SNRPN: variants seen among roughly 807,000 people sequenced by gnomAD.
SNRPN encodes the protein small nuclear ribonucleoprotein-associated protein N.
Under a neutral mutation model 25.2 loss-of-function variants are expected in SNRPN, and 7 were observed. The ratio of observed to expected loss-of-function variants is 0.28; its 90% confidence interval spans 0.16 to 0.52. The LOEUF (loss-of-function observed/expected upper bound fraction) is 0.52, where lower values mean the gene tolerates loss of function less well. Ranked by LOEUF, SNRPN falls within the 20% of genes least tolerant of loss-of-function variation. The pLI, the probability that SNRPN is intolerant of heterozygous loss-of-function variation, is 0.96. For synonymous variants in SNRPN, 124 were observed against 110.6 expected (o/e 1.12, Z -0.76); for missense variants, 196 against 322.5 (o/e 0.61, Z 3.00).
chr15:24,890,636 G>A (rs1004139019), intron 2 of SNRPN, among the ~76,000 whole-genome samples: 2 of 151,988 alleles, frequency 1.3e-5, no homozygotes, highest in Non-Finnish European at 1.5e-5. Context: ...CCGAGATCGC[G>A]CCATTGCACT....
At chr15:24,961,212 A>G in intron 1 of SNRPN, among the ~76,000 whole-genome samples, 1 of 152,206 alleles carries the variant, frequency 6.6e-6, no homozygotes, top group East Asian at 1.9e-4. Flanking sequence ...ATATGTGTGT[A>G]TGGCTTGATT....
chr15:24,873,275 A>G lies in SNRPN; in HGVS notation c.-578-13241A>G, dbSNP rs1191532104. Among the ~76,000 whole-genome samples the G allele has an allele frequency of 7.5e-5, 9 of 119,964 alleles. 2 individuals are homozygous for G. The highest frequency in any genetic ancestry group is 2.6e-4 in the African/African-American group (9 of 34,866). 78.7% of individuals were successfully genotyped at this position (119,964 alleles called of 152,430 possible). ...CTAGTCTACAAAGCCATGGGACTAC[A>G]TACCACAGTCCCAGGGACAACCACA... On this transcript the variant is annotated intron_variant, in intron 1 of 11. Transcript: ENST00000400097.
At chr15:24,869,864 C>G (rs1465217615) in intron 1 of SNRPN, among the ~76,000 whole-genome samples, 2 of 152,142 alleles carry the variant, frequency 1.3e-5, no homozygotes, top group Non-Finnish European at 2.9e-5. Flanking sequence ...AACTGAGGAC[C>G]TAAAACAAGA....
chr15:24,833,203 G>C (rs2050719865), intron 2 of SNRPN, among the ~76,000 whole-genome samples: 1 of 151,408 alleles, frequency 6.6e-6, no homozygotes, highest in Non-Finnish European at 1.5e-5. Flanking sequence ...GGTTGCTGTG[G>C]TGTTAGATGG....
chr15:24,958,486 G>GTTTTTTTTTTTTTTTTTTTTTTTT (rs71127030), intron 1 of SNRPN, among the ~76,000 whole-genome samples: 1 of 65,284 alleles, frequency 1.5e-5, no homozygotes, highest in African/African-American at 5.5e-5. Context: ...CTGGCTCAAA[G>GTTTTTTTTTTTTTTTTTTTTTTTT]TTTTTTTTTT....
chr15:24,824,539 G>T (rs1346696938), intron 1 of SNRPN, among the ~76,000 whole-genome samples: 1 of 152,062 alleles, frequency 6.6e-6, no homozygotes, highest in Non-Finnish European at 1.5e-5. Context: ...TGCCACTCAG[G>T]AAATGTCATA....
upstream of SNRPN, among the ~76,000 whole-genome samples, chr15:24,950,953 C>T (rs1258396722): frequency 2.0e-5 from 3 of 151,794 alleles, no homozygotes; most frequent in Non-Finnish European, 4.4e-5. Context: ...CTCTGCCTCC[C>T]GGGCTCAAGG....
intron 1 of SNRPN, among the ~76,000 whole-genome samples, chr15:24,959,551 T>C (rs2074427340): frequency 1.3e-5 from 2 of 152,246 alleles, no homozygotes; most frequent in East Asian, 1.9e-4. Flanking sequence ...ATTGAGCAAC[T>C]GCCGAATGGG....
chr15:24,950,329 C>T (rs1017389749), upstream of SNRPN, among the ~76,000 whole-genome samples: 10 of 150,538 alleles, frequency 6.6e-5, 1 homozygote, highest in African/African-American at 2.2e-4. Flanking sequence ...GGTGCGTGCC[C>T]TCACACCCGG....
At position 24,957,963 on chromosome 15, in the gene SNRPN, G is replaced by A. The variant is rs190407866; in HGVS notation, c.-391+2901G>A. On this transcript the variant is annotated intron_variant, in intron 1 of 9. Coordinates refer to ENST00000390687, the MANE Select transcript of SNRPN (RefSeq NM_003097.6). ...ATTGGCTCTGTGCTAGGGCTTTTTG[G>A]AGGCAGGGAGTGGCAGCCCTTCCTG... Among the ~76,000 whole-genome samples the A allele has an allele frequency of 5.0e-3, 765 of 152,214 alleles. 2 individuals carry two copies. The highest frequency in any genetic ancestry group is 6.8e-3 in the Non-Finnish European group (461 of 68,014).
chr15:24,971,106 T>A lies in SNRPN; in HGVS notation c.-144+3024T>A, dbSNP rs550453704. On this transcript the variant is annotated intron_variant, in intron 3 of 9. Transcript: ENST00000390687. ...AACCCTAGTCATCTTATTTTACTTT[T>A]GAATTAAAGTAGATTTACATTTTTA... Among the ~76,000 whole-genome samples, 231 of 152,332 alleles carry A rather than the reference T, an allele frequency of 1.5e-3. No homozygotes were observed. In the Middle Eastern group the frequency reaches 0.027, roughly 18 times the overall value.
intron 3 of SNRPN, among the ~76,000 whole-genome samples, chr15:24,948,212 C>T (rs767358528): frequency 1.3e-5 from 2 of 152,096 alleles, no homozygotes; most frequent in African/African-American, 2.4e-5. Flanking sequence ...CTCCCAGGTT[C>T]GAGTGATTCT....
At chr15:24,972,336 T>C (rs1277741212) in intron 3 of SNRPN, among the ~76,000 whole-genome samples, 1 of 151,908 alleles carries the variant, frequency 6.6e-6, no homozygotes, top group Non-Finnish European at 1.5e-5. Context: ...TAAAGAATCA[T>C]AAGATAATAT....
In SNRPN at chr15:24,872,575, G is replaced by A. The variant is rs1300607429; in HGVS notation, c.-578-13941G>A. Among the ~76,000 whole-genome samples the A allele has an allele frequency of 6.3e-5, 7 of 110,906 alleles. 3 individuals carry two copies. The highest frequency in any genetic ancestry group is 2.1e-4 in the Admixed American group (2 of 9,638). The allele number at this position is 110,906 out of a possible 152,430, so 72.8% of individuals were successfully genotyped here. A position where few individuals can be genotyped will look rare whatever the true frequency, so the allele number is the denominator to read the frequency against. ...AGCCTGACCAACATGGAGAAACCCC[G>A]TCTCTACTAACAATAAAAAAATTAG... On this transcript the variant is annotated intron_variant, in intron 1 of 11. Coordinates refer to the SNRPN transcript ENST00000400097.
At chr15:24,957,925 T>G (rs1338007356) in intron 1 of SNRPN, among the ~76,000 whole-genome samples, 1 of 152,184 alleles carries the variant, frequency 6.6e-6, no homozygotes, top group Non-Finnish European at 1.5e-5. Flanking sequence ...AAGGTCTGTG[T>G]CCTACTCAGT....
At chr15:24,912,224 C>G (rs2059262268) in intron 2 of SNRPN, 1 of 152,216 alleles carries the variant, frequency 6.6e-6, no homozygotes, top group African/African-American at 2.4e-5. Flanking sequence ...CTCAAGAGAT[C>G]CTCCTGTCTC....
At chr15:24,823,714 T>C (rs886051011) in exon 1 of SNRPN, 1 of 152,212 alleles carries the variant, frequency 6.6e-6, no homozygotes, top group African/African-American at 2.4e-5. Context: ...GGGGGCAAGG[T>C]CAGCTGCCCC....
intron 2 of SNRPN, among the ~76,000 whole-genome samples, chr15:24,834,751 CTATA>C (rs796257838): frequency 0.028 from 1,697 of 60,902 alleles, 90 homozygotes; most frequent in African/African-American, 0.093. Context: ...CTCTCTCTCT[CTATA>C]TATATATATA....
At chr15:24,908,824 C>G (rs951390497) in intron 2 of SNRPN, 1 of 524,280 alleles carries the variant, frequency 1.9e-6, no homozygotes, top group Non-Finnish European at 3.3e-6. Flanking sequence ...AAATCTTTCT[C>G]TAGAGTCTTG....
Sources: allele counts gnomAD v4.1 joint callset (sites outside exome capture counted in the v4.1 genomes callset), GRCh38; gene constraint gnomAD v4.1.1; transcripts MANE v1.5; gene names NCBI Gene and HGNC (gene_info 2026-07-23, HGNC 2026-07-21).